CA10: variants seen among roughly 807,000 people sequenced by gnomAD.
CA10 encodes the protein carbonic anhydrase 10 (inactive).
In CA10, 14 loss-of-function variants were observed where a neutral mutation model predicts 44.2. That is an observed-to-expected ratio of 0.32 (90% CI 0.21 to 0.50). CA10 has a LOEUF of 0.50. Ranked by LOEUF, CA10 falls within the 20% of genes least tolerant of loss-of-function variation. The pLI is 0.99. For synonymous variants in CA10, 159 were observed against 141.6 expected, an observed-to-expected ratio of 1.12 and a Z score of -0.87; for missense variants, 350 against 409.7, an observed-to-expected ratio of 0.85 and a Z score of 1.26.
At chr17:51,950,864 A>C (rs1983457219) in intron 2 of CA10, among the ~76,000 whole-genome samples, 1 of 152,106 alleles carries the variant, frequency 6.6e-6, no homozygotes, top group South Asian at 2.1e-4. Context: ...CCGAGCGCAG[A>C]GATTTTTCAC....
At chr17:51,687,585 A>G (rs1433178612) in intron 4 of CA10, among the ~76,000 whole-genome samples, 1 of 152,212 alleles carries the variant, frequency 6.6e-6, no homozygotes, top group Non-Finnish European at 1.5e-5. Context: ...GCCATGCTCT[A>G]TGGTTTGTAC....
At chr17:51,652,697 C>T (rs1913620661) in intron 5 of CA10, among the ~76,000 whole-genome samples, 1 of 152,158 alleles carries the variant, frequency 6.6e-6, no homozygotes, top group African/African-American at 2.4e-5. Context: ...GGGATCAGTG[C>T]CCCAGGTGCC....
At chr17:51,916,681 T>G (rs1567884121) in intron 3 of CA10, among the ~76,000 whole-genome samples, 1 of 152,172 alleles carries the variant, frequency 6.6e-6, no homozygotes, top group Non-Finnish European at 1.5e-5. Context: ...TGGGTATATC[T>G]TTATCAGCAG....
intron 3 of CA10, among the ~76,000 whole-genome samples, chr17:51,775,136 A>C (rs1471510654): frequency 1.3e-5 from 2 of 152,078 alleles, no homozygotes; most frequent in Non-Finnish European, 2.9e-5. Flanking sequence ...GAGACTGGTG[A>C]CTTGAGTGAA....
At chr17:51,785,146 T>C (rs943337958) in intron 3 of CA10, among the ~76,000 whole-genome samples, 1 of 152,232 alleles carries the variant, frequency 6.6e-6, no homozygotes, top group African/African-American at 2.4e-5. Context: ...CCATTGTGTA[T>C]ATGTACCACA....
chr17:52,040,740 T>C (rs1374119284), intron 2 of CA10, among the ~76,000 whole-genome samples: 1 of 151,658 alleles, frequency 6.6e-6, no homozygotes, highest in Non-Finnish European at 1.5e-5. Context: ...GAGTTCAGAG[T>C]TCGGAGAGAC....
At chr17:52,090,096 T>A (rs1045634700) in intron 1 of CA10, among the ~76,000 whole-genome samples, 1 of 152,188 alleles carries the variant, frequency 6.6e-6, no homozygotes, top group African/African-American at 2.4e-5. Flanking sequence ...TAAGTAACTG[T>A]AAACGTGTTT....
chr17:52,134,997 C>A (rs1188956660), intron 1 of CA10: 1 of 518,580 alleles, frequency 1.9e-6, no homozygotes, highest in Admixed American at 1.9e-5. Flanking sequence ...AGGTTACCTG[C>A]ATCTCCAACC....
At chr17:51,725,606 A>G (rs1211210171) in intron 4 of CA10, among the ~76,000 whole-genome samples, 1 of 152,196 alleles carries the variant, frequency 6.6e-6, no homozygotes, top group African/African-American at 2.4e-5. Flanking sequence ...TGATTGATAA[A>G]GAATGATTTT....
At chr17:51,963,464 C>T (rs1983966543) in intron 2 of CA10, among the ~76,000 whole-genome samples, 1 of 151,682 alleles carries the variant, frequency 6.6e-6, no homozygotes, top group African/African-American at 2.4e-5. Context: ...AGCAGTTACC[C>T]ACCAGACTGT....
intron 4 of CA10, among the ~76,000 whole-genome samples, chr17:51,723,051 G>A (rs1916398058): frequency 6.6e-6 from 1 of 152,162 alleles, no homozygotes; most frequent in Non-Finnish European, 1.5e-5. Flanking sequence ...TCCTGTTGAG[G>A]CAAAGATTGG....
At chr17:51,773,921 G>A (rs957359532) in intron 3 of CA10, among the ~76,000 whole-genome samples, 1 of 152,088 alleles carries the variant, frequency 6.6e-6, no homozygotes, top group African/African-American at 2.4e-5. Flanking sequence ...TTCTGCCTGA[G>A]CATATTTATC....
chr17:51,741,686 C>G (rs1202009919), intron 4 of CA10, among the ~76,000 whole-genome samples: 2 of 152,220 alleles, frequency 1.3e-5, no homozygotes, highest in African/African-American at 2.4e-5. Flanking sequence ...GTGCTAGGTG[C>G]ATGGCATGCA....
chr17:51,869,994 C>T (rs1979729086), intron 3 of CA10, among the ~76,000 whole-genome samples: 1 of 152,162 alleles, frequency 6.6e-6, no homozygotes, highest in Non-Finnish European at 1.5e-5. Context: ...TTGTCCGAGT[C>T]ATCACAGCCA....
chr17:51,855,378 TAA>T, intron 3 of CA10, among the ~76,000 whole-genome samples: 1 of 152,170 alleles, frequency 6.6e-6, no homozygotes, highest in Non-Finnish European at 1.5e-5. Flanking sequence ...ACCATCCTTT[TAA>T]GAAATAAAGT....
At chr17:51,699,170 A>G (rs1446629620) in intron 4 of CA10, among the ~76,000 whole-genome samples, 1 of 151,844 alleles carries the variant, frequency 6.6e-6, no homozygotes, top group African/African-American at 2.4e-5. Context: ...AAAATACAAA[A>G]AAATTACCCA....
At chr17:52,028,047 T>C (rs371946195) in intron 2 of CA10, among the ~76,000 whole-genome samples, 1 of 152,144 alleles carries the variant, frequency 6.6e-6, no homozygotes, top group African/African-American at 2.4e-5. Context: ...CAGTTTCCTC[T>C]CTGTAAATAC....
At chr17:51,793,373 ATTTGCTTGCCCCT>A (rs1328175202) in intron 3 of CA10, among the ~76,000 whole-genome samples, 1 of 152,186 alleles carries the variant, frequency 6.6e-6, no homozygotes, top group African/African-American at 2.4e-5. Flanking sequence ...GTTTAGGGTT[ATTTGCTTGCCCCT>A]ATCAGTTAGC....
chr17:51,765,732 T>C (rs1474407321), intron 3 of CA10, among the ~76,000 whole-genome samples: 1 of 150,312 alleles, frequency 6.7e-6, no homozygotes, highest in African/African-American at 2.5e-5. Flanking sequence ...TGTATGTGTG[T>C]GTGCATGCAT....
Sources: allele counts gnomAD v4.1 joint callset (sites outside exome capture counted in the v4.1 genomes callset), GRCh38; gene constraint gnomAD v4.1.1; transcripts MANE v1.5; gene names NCBI Gene and HGNC (gene_info 2026-07-23, HGNC 2026-07-21).